Variants in CACNA1C observed in about 807,000 individuals in gnomAD.
CACNA1C encodes calcium voltage-gated channel subunit alpha1 C.
In CACNA1C, 30 loss-of-function variants were observed where a neutral mutation model predicts 229.0. The observed-to-expected ratio is 0.13, with a 90% confidence interval of 0.10 to 0.18. The LOEUF (loss-of-function observed/expected upper bound fraction) is 0.18. Ranked by LOEUF, CACNA1C falls within the 10% of genes least tolerant of loss-of-function variation. CACNA1C has a pLI of 1.00. For missense variants in CACNA1C, 1,658 were observed against 2,845.0 expected (o/e 0.58, Z 9.49); for synonymous variants, 1,114 against 1,132.5 (o/e 0.98, Z 0.33).
chr12:2,177,578 TCCCTCCCTC>T (rs2096688541), intron 3 of CACNA1C, among the ~76,000 whole-genome samples: 2 of 33,314 alleles, frequency 6.0e-5, no homozygotes, highest in East Asian at 1.7e-3. Flanking sequence ...CCTCCCTCCC[TCCCTCCCTC>T]CCTTCCTTCC....
In CACNA1C at chr12:2,009,579, A is replaced by G. The variant is rs184069920; in HGVS notation, c.139+38378A>G. Among the ~76,000 whole-genome samples the G allele has an allele frequency of 3.3e-4, 50 of 152,320 alleles. No individual in the cohort carries two copies. The East Asian group carries it at 8.9e-3, about 27-fold the overall frequency. ...AGAGAGGAGCTTTCAGGATGCCCCT[A>G]AGAATTTGTGATTCTGAGATGACTT... On this transcript the variant is annotated intron_variant, in intron 1 of 46. Transcript: ENST00000682462.
rs1014840584 is a variant in CACNA1C, at chr12:2,679,515, C to T, written c.5163C>T (p.Thr1721=). 6.2e-7 allele frequency: 1 copy of T among 1,611,922 alleles called. No homozygotes were observed. Among genetic ancestry groups the T allele is most frequent in the East Asian group, 2.2e-5 (1 of 44,818 alleles). ...ACGGCCGGAGCGCCTTCCCCCAGAC[C>T]TTCACCACTCAGCGCCCGCTGCACA... ...QSDGRSAFPQ[T]FTTQRPLHIN... The change falls in exon 42 of 47, where the codon ACC becomes ACT. Residue 1721 remains threonine, a synonymous_variant. Transcript: ENST00000399655. The surrounding 1 kb of genome is among the most constrained non-coding windows in gnomAD (Gnocchi z 5.5).
chr12:2,669,729 G>A (rs1161359670), intron 38 of CACNA1C, among the ~76,000 whole-genome samples: 1 of 152,220 alleles, frequency 6.6e-6, no homozygotes, highest in Non-Finnish European at 1.5e-5. Context: ...CGCACACATT[G>A]TGCGGGCTGA....
intron 3 of CACNA1C, among the ~76,000 whole-genome samples, chr12:2,241,424 C>A (rs1400287554): frequency 6.6e-6 from 1 of 152,144 alleles, no homozygotes; most frequent in Non-Finnish European, 1.5e-5. Context: ...TGCCTCCCCC[C>A]TTGTCCCAGA....
At chr12:2,583,133 T>G (rs1483174009) in intron 15 of CACNA1C, among the ~76,000 whole-genome samples, 191 bp downstream of exon 15, 1 of 152,176 alleles carries the variant, frequency 6.6e-6, no homozygotes, top group African/African-American at 2.4e-5. Context: ...TTCACCTTCC[T>G]GAACCCTCCG....
At chr12:2,561,475 G>A (rs753183147) in intron 11 of CACNA1C, among the ~76,000 whole-genome samples, 43 of 152,316 alleles carry the variant, frequency 2.8e-4, no homozygotes, top group South Asian at 8.3e-4. Context: ...ACTATTTCTT[G>A]GATGTGTAAC....
chr12:2,519,553 A>G (rs1307291212), intron 9 of CACNA1C, among the ~76,000 whole-genome samples: 1 of 152,222 alleles, frequency 6.6e-6, no homozygotes, highest in African/African-American at 2.4e-5. Context: ...CAGGCGAATA[A>G]GCACAGAGCC....
At chr12:2,352,423 G>A (rs961809940) in intron 3 of CACNA1C, among the ~76,000 whole-genome samples, 2 of 152,214 alleles carry the variant, frequency 1.3e-5, no homozygotes, top group Non-Finnish European at 2.9e-5. Context: ...TGTGTGGGTT[G>A]CAGGAAGATT....
intron 3 of CACNA1C, among the ~76,000 whole-genome samples, chr12:2,290,227 G>A (rs528098794): frequency 6.6e-6 from 1 of 152,294 alleles, no homozygotes; most frequent in East Asian, 1.9e-4. Context: ...GAGCCTCCTG[G>A]CCAGCGCCTG....
intron 3 of CACNA1C, among the ~76,000 whole-genome samples, chr12:2,210,815 A>G (rs1443012529): frequency 6.6e-6 from 1 of 152,142 alleles, no homozygotes; most frequent in Non-Finnish European, 1.5e-5. Context: ...ACATTTCTGG[A>G]GGCTGTATTT....
chr12:2,604,579 A>G (rs994097506), intron 22 of CACNA1C, among the ~76,000 whole-genome samples: 1 of 152,218 alleles, frequency 6.6e-6, no homozygotes, highest in African/African-American at 2.4e-5. Context: ...CCATTCAGGC[A>G]GTTTCTCAAG....
rs765805414 is a variant in CACNA1C, at chr12:2,549,986, C to T, written c.1434C>T (p.Asn478=). The part of the protein sequence containing the change: ...TSETESVNTE[N]VAGGDIEGEN... Reference sequence around the variant, plus strand: ...AGACCGAGTCCGTCAACACCGAAAACGTGGCTGGAGGTGACATCGAGGGAG... The same window carrying T: ...AGACCGAGTCCGTCAACACCGAAAATGTGGCTGGAGGTGACATCGAGGGAG... The change falls in exon 10 of 47, where the codon AAC becomes AAT. Residue 478 remains asparagine, a synonymous_variant. Transcript: ENST00000399655. 19 of 1,608,558 alleles carry T rather than the reference C, an allele frequency of 1.2e-5. No individual in the cohort carries two copies. The highest frequency in any genetic ancestry group is 1.6e-4 in the Middle Eastern group (1 of 6,070).
At chr12:2,598,427 C>G (rs1568675841) in intron 21 of CACNA1C, among the ~76,000 whole-genome samples, 1 of 152,250 alleles carries the variant, frequency 6.6e-6, no homozygotes, top group Non-Finnish European at 1.5e-5. Context: ...GCCAGTTCAT[C>G]TGAGAGTCAG....
At chr12:2,252,392 C>G (rs556984277) in intron 3 of CACNA1C, among the ~76,000 whole-genome samples, 1 of 152,148 alleles carries the variant, frequency 6.6e-6, no homozygotes, top group Non-Finnish European at 1.5e-5. Flanking sequence ...AGCTCTGATA[C>G]GATACACAAA....
Position 2,677,250 on chromosome 12 carries a change from C to A in CACNA1C, c.4956+29C>A, listed in dbSNP as rs2096869250. 1 of 1,610,050 alleles carries A rather than the reference C, an allele frequency of 6.2e-7. No individual in the cohort carries two copies. Among genetic ancestry groups the A allele is most frequent in the East Asian group, 2.2e-5 (1 of 44,830 alleles). ...AGGGCCTGGGGGCGGGCCCACACTCCAGGAAGGTCCTGGTCATTGCCTCTG... is the reference window on the plus strand; with the variant it reads ...AGGGCCTGGGGGCGGGCCCACACTCAAGGAAGGTCCTGGTCATTGCCTCTG... On this transcript the variant is annotated intron_variant, in intron 40 of 46. Coordinates refer to ENST00000399655, the MANE Select transcript of CACNA1C (RefSeq NM_000719.7). This position sits in a 1 kb window ranked among gnomAD's most constrained non-coding sequence, Gnocchi z 7.4.
intron 3 of CACNA1C, among the ~76,000 whole-genome samples, chr12:2,398,706 C>T (rs991165084): frequency 1.3e-5 from 2 of 152,236 alleles, no homozygotes; most frequent in South Asian, 2.1e-4. Flanking sequence ...GAGAGGGGAG[C>T]GTGGGTCCAG....
chr12:2,450,281 G>A (rs73248720), intron 4 of CACNA1C, among the ~76,000 whole-genome samples: 110 of 152,220 alleles, frequency 7.2e-4, no homozygotes, highest in African/African-American at 2.0e-3. Flanking sequence ...GAGGTCAGGC[G>A]CGGTGGCTCA....
chr12:2,116,779 A>G (rs901534150), intron 2 of CACNA1C, among the ~76,000 whole-genome samples: 19 of 152,284 alleles, frequency 1.2e-4, no homozygotes, highest in African/African-American at 4.3e-4. Flanking sequence ...AGATGGGACT[A>G]GAACCCTGGT....
chr12:2,277,907 T>G (rs2089526516), intron 3 of CACNA1C, among the ~76,000 whole-genome samples: 1 of 152,232 alleles, frequency 6.6e-6, no homozygotes, highest in African/African-American at 2.4e-5. Context: ...GCATGCGGCA[T>G]TAGATGGAGA....
Sources: allele counts gnomAD v4.1 joint callset (sites outside exome capture counted in the v4.1 genomes callset), GRCh38; gene constraint gnomAD v4.1.1; non-coding constraint Gnocchi (gnomAD v3.1); transcripts MANE v1.5; gene names NCBI Gene and HGNC (gene_info 2026-07-23, HGNC 2026-07-21).